The following CACNA2D1 variants were observed in gnomAD, a reference collection of about 807,000 sequenced individuals.
The protein encoded by CACNA2D1 is voltage-dependent calcium channel subunit alpha-2/delta-1.
Under a neutral mutation model 171.5 loss-of-function variants are expected in CACNA2D1, and 53 were observed. The ratio of observed to expected loss-of-function variants is 0.31; its 90% confidence interval spans 0.25 to 0.39. The LOEUF (loss-of-function observed/expected upper bound fraction) is 0.39. Ranked by LOEUF, CACNA2D1 falls within the 10% of genes least tolerant of loss-of-function variation. The pLI is 1.00. For missense variants in CACNA2D1, 903 were observed against 1,299.8 expected (o/e 0.69, Z 4.69); for synonymous variants, 442 against 443.1 (o/e 1.00, Z 0.03).
At chr7:82,046,877 GT>G (rs1205915105) in intron 10 of CACNA2D1, among the ~76,000 whole-genome samples, 1 of 152,008 alleles carries the variant, frequency 6.6e-6, no homozygotes, top group Non-Finnish European at 1.5e-5. Flanking sequence ...TATTTAGTCT[GT>G]TTACCTTGTT....
intron 3 of CACNA2D1, among the ~76,000 whole-genome samples, chr7:82,177,087 T>TTTTTTTTTTTTTTTTTTTTTTTTTG (rs1563160670): frequency 2.4e-5 from 1 of 41,506 alleles, no homozygotes; most frequent in Non-Finnish European, 4.8e-5. Flanking sequence ...TTTTTTTTTT[T>TTTTTTTTTTTTTTTTTTTTTTTTTG]GGCGGGGGTT....
intron 1 of CACNA2D1, among the ~76,000 whole-genome samples, chr7:82,378,621 T>C (rs1823299830): frequency 6.6e-6 from 1 of 152,224 alleles, no homozygotes; most frequent in African/African-American, 2.4e-5. Flanking sequence ...TTTCATTATA[T>C]GCCTAATTTT....
Position 81,990,660 on chromosome 7 carries a change from A to G in CACNA2D1, c.1796+525T>C, listed in dbSNP as rs79719988. 9.4e-3 allele frequency among the ~76,000 whole-genome samples: 1,432 copies of G among 152,278 alleles called. 21 individuals are homozygous for G. Among genetic ancestry groups the G allele is most frequent in the African/African-American group, 0.033 (1,363 of 41,562 alleles). ...AGAGTTAGAGCAAGAAAGTGAAGGAAGTGTTGAGCAAGTGTTGAAGAATGG... is the reference window on the plus strand; with the variant it reads ...AGAGTTAGAGCAAGAAAGTGAAGGAGGTGTTGAGCAAGTGTTGAAGAATGG... On this transcript the variant is annotated intron_variant, in intron 21 of 38. Coordinates refer to ENST00000356860, the MANE Select transcript of CACNA2D1 (RefSeq NM_000722.4).
At chr7:82,371,101 C>T (rs1822360178) in intron 1 of CACNA2D1, among the ~76,000 whole-genome samples, 1 of 152,202 alleles carries the variant, frequency 6.6e-6, no homozygotes, top group African/African-American at 2.4e-5. Flanking sequence ...GGGGTGTCCT[C>T]TCTAGTTTAT....
chr7:82,278,672 G>A (rs1396646791), intron 3 of CACNA2D1, among the ~76,000 whole-genome samples: 2 of 151,182 alleles, frequency 1.3e-5, no homozygotes, highest in Non-Finnish European at 2.9e-5. Flanking sequence ...TAAAACTCAT[G>A]AACCCTTTTA....
chr7:82,171,658 G>A (rs1222443181), intron 3 of CACNA2D1, among the ~76,000 whole-genome samples: 1 of 152,072 alleles, frequency 6.6e-6, no homozygotes, highest in African/African-American at 2.4e-5. Flanking sequence ...AAAGAGTAAT[G>A]GTTCTGTTTT....
chr7:82,403,519 T>G (rs1408694579), intron 1 of CACNA2D1, among the ~76,000 whole-genome samples: 1 of 152,322 alleles, frequency 6.6e-6, no homozygotes, highest in South Asian at 2.1e-4. Context: ...TGGTTTCACT[T>G]AGGGTAGCAA....
intron 2 of CACNA2D1, among the ~76,000 whole-genome samples, chr7:82,338,355 G>A (rs1818242900): frequency 6.6e-6 from 1 of 151,568 alleles, no homozygotes; most frequent in African/African-American, 2.4e-5. Flanking sequence ...GTTTTTTAGA[G>A]ACAGATCTCA....
At chr7:82,293,453 G>A (rs1453573877) in intron 3 of CACNA2D1, among the ~76,000 whole-genome samples, 2 of 152,158 alleles carry the variant, frequency 1.3e-5, no homozygotes, top group Admixed American at 6.5e-5. Flanking sequence ...GGTAAGTAGG[G>A]TGTTCAGTTG....
At chr7:82,314,437 C>T (rs982215220) in intron 3 of CACNA2D1, among the ~76,000 whole-genome samples, 1 of 152,064 alleles carries the variant, frequency 6.6e-6, no homozygotes, top group African/African-American at 2.4e-5. Flanking sequence ...AATGAAACTT[C>T]TGGCAAAAAC....
At chr7:82,379,700 T>G (rs533017475) in intron 1 of CACNA2D1, among the ~76,000 whole-genome samples, 1 of 152,310 alleles carries the variant, frequency 6.6e-6, no homozygotes, top group South Asian at 2.1e-4. Context: ...GTTGATATGT[T>G]TTGTTTTAAC....
chr7:82,058,309 G>A (rs749345944), intron 10 of CACNA2D1, among the ~76,000 whole-genome samples: 25 of 151,980 alleles, frequency 1.6e-4, no homozygotes, highest in African/African-American at 3.4e-4. Flanking sequence ...TCAGCTTCTC[G>A]AAGAAGTCAG....
chr7:82,249,199 C>G (rs1011350439), intron 3 of CACNA2D1, among the ~76,000 whole-genome samples: 5 of 151,792 alleles, frequency 3.3e-5, no homozygotes, highest in Non-Finnish European at 7.4e-5. Context: ...GAGCACCATA[C>G]TCAGTAGATG....
chr7:82,240,650 C>T (rs1228183688), intron 3 of CACNA2D1, among the ~76,000 whole-genome samples: 1 of 152,102 alleles, frequency 6.6e-6, no homozygotes, highest in Non-Finnish European at 1.5e-5. Context: ...TTAAAACACA[C>T]CACTTATGTT....
chr7:82,326,907 TC>T (rs1816714077), intron 3 of CACNA2D1, among the ~76,000 whole-genome samples: 1 of 152,222 alleles, frequency 6.6e-6, no homozygotes, highest in South Asian at 2.1e-4. Context: ...ACTTTGCCAA[TC>T]CTCAATCCTA....
chr7:82,113,847 T>C (rs2129050872), intron 6 of CACNA2D1, among the ~76,000 whole-genome samples: 1 of 152,250 alleles, frequency 6.6e-6, no homozygotes, highest in African/African-American at 2.4e-5. Flanking sequence ...GGACATGAAT[T>C]TTAAAGGAGT....
At chr7:82,354,990 A>T (rs1373471425) in intron 1 of CACNA2D1, among the ~76,000 whole-genome samples, 2 of 152,156 alleles carry the variant, frequency 1.3e-5, no homozygotes, top group African/African-American at 2.4e-5. Flanking sequence ...TGGAACCAAG[A>T]ATTTTATCAT....
chr7:81,991,775 C>G (rs1797562161), intron 20 of CACNA2D1, among the ~76,000 whole-genome samples: 1 of 151,972 alleles, frequency 6.6e-6, no homozygotes, highest in Non-Finnish European at 1.5e-5. Context: ...TAAGGAAGTT[C>G]ATGCATGGCT....
Position 81,950,052 on chromosome 7 carries a change from T to G in CACNA2D1, c.*340A>C, listed in dbSNP as rs998826839. ...AAAATTCCAGGTCAATATCAAGACA[T>G]TTCTTATGGTTCATTAACAATTGTA... On this transcript the variant is annotated 3_prime_UTR_variant, in exon 39 of 39. Transcript: ENST00000356860. 4.0e-5 allele frequency: 9 copies of G among 226,882 alleles called. No homozygotes were observed. The highest frequency in any genetic ancestry group is 6.9e-5 in the Non-Finnish European group (8 of 115,664). 14.1% of individuals were successfully genotyped at this position (226,882 alleles called of 1,614,324 possible).
Sources: allele counts gnomAD v4.1 joint callset (sites outside exome capture counted in the v4.1 genomes callset), GRCh38; gene constraint gnomAD v4.1.1; transcripts MANE v1.5; gene names NCBI Gene and HGNC (gene_info 2026-07-23, HGNC 2026-07-21).